The following PALLD variants were observed in gnomAD, a reference collection of about 807,000 sequenced individuals.
PALLD encodes palladin, cytoskeletal associated protein.
Under a neutral mutation model 123.5 loss-of-function variants are expected in PALLD, and 61 were observed. The ratio of observed to expected loss-of-function variants is 0.49; its 90% CI spans 0.40 to 0.61. The LOEUF (loss-of-function observed/expected upper bound fraction) is 0.61. PALLD is among the 20% of genes least tolerant of loss of function. PALLD has a pLI of 0.00. For missense variants in PALLD, 1,273 were observed against 1,377.0 expected (o/e 0.92, Z 1.20); for synonymous variants, 465 against 496.4 (o/e 0.94, Z 0.84).
intron 10 of PALLD, among the ~76,000 whole-genome samples, chr4:168,811,757 T>TTC (rs1225193326): frequency 6.3e-4 from 82 of 130,312 alleles, no homozygotes; most frequent in East Asian, 2.5e-3. Flanking sequence ...CTCTCTCTCT[T>TTC]TCTCTCTCTC....
At chr4:168,695,002 T>A (rs1783005564) in intron 8 of PALLD, among the ~76,000 whole-genome samples, 1 of 152,232 alleles carries the variant, frequency 6.6e-6, no homozygotes, top group African/African-American at 2.4e-5. Flanking sequence ...CTCAGCTGTC[T>A]GGAAACAGCC....
intron 10 of PALLD, among the ~76,000 whole-genome samples, chr4:168,768,582 T>C (rs1302149337): frequency 6.6e-6 from 1 of 152,246 alleles, no homozygotes; most frequent in African/African-American, 2.4e-5. Context: ...TTATTCAGCA[T>C]GTGTCACATA....
At chr4:168,520,327 CAA>C (rs1554034658) in intron 2 of PALLD, among the ~76,000 whole-genome samples, 9 of 101,592 alleles carry the variant, frequency 8.9e-5, no homozygotes, top group Non-Finnish European at 1.3e-4. Context: ...ATTCCGTCAC[CAA>C]AAAAAAAAAA....
chr4:168,909,962 A>C (rs1203777260), intron 15 of PALLD, among the ~76,000 whole-genome samples: 1 of 152,178 alleles, frequency 6.6e-6, no homozygotes, highest in African/African-American at 2.4e-5. Context: ...TAATATATTT[A>C]GCCAATAACA....
intron 13 of PALLD, 184 bp from the exon 14 acceptor site, chr4:168,898,309 T>C: frequency 1.6e-6 from 1 of 625,744 alleles, no homozygotes. Flanking sequence ...CAATCTGAAA[T>C]ACCACATAAA....
At chr4:168,656,741 G>A (rs1778618331) in intron 2 of PALLD, among the ~76,000 whole-genome samples, 1 of 152,104 alleles carries the variant, frequency 6.6e-6, no homozygotes. Context: ...CATGTGCCAT[G>A]CCCAAATGGC....
At chr4:168,815,711 C>T (rs1325293797) in intron 10 of PALLD, among the ~76,000 whole-genome samples, 2 of 152,114 alleles carry the variant, frequency 1.3e-5, no homozygotes, top group Non-Finnish European at 2.9e-5. Flanking sequence ...TGCCCAGTAA[C>T]AGGGCTGCAG....
chr4:168,670,504 C>T (rs1190440685), intron 3 of PALLD, among the ~76,000 whole-genome samples: 2 of 145,924 alleles, frequency 1.4e-5, no homozygotes, highest in East Asian at 2.1e-4. Context: ...GAGGCCGAGG[C>T]GGGTGGATCA....
At chr4:168,766,762 T>C (rs1156938965) in intron 10 of PALLD, among the ~76,000 whole-genome samples, 3 of 152,202 alleles carry the variant, frequency 2.0e-5, no homozygotes, top group African/African-American at 7.2e-5. Context: ...ATGAAGCTGT[T>C]GGATATGATC....
In PALLD at chr4:168,896,566, T is replaced by G; in HGVS notation, c.2217T>G (p.His739Gln). The G allele has an allele frequency of 6.6e-7, 1 of 1,514,578 alleles. No individual in the cohort carries two copies. Among genetic ancestry groups the G allele is most frequent in the Non-Finnish European group, 8.9e-7 (1 of 1,126,466 alleles). 93.8% of individuals were successfully genotyped at this position (1,514,578 alleles called of 1,614,324 possible). ...ETANQDIGSP[H>Q]ASVGSPLDGQ... ...CATTACAGGACATTGGTTCTCCTCATGCTTCTGTAGGGAGTCCTCTGGATG... is the reference window on the plus strand; with the variant it reads ...CATTACAGGACATTGGTTCTCCTCAGGCTTCTGTAGGGAGTCCTCTGGATG... The change falls in exon 13 of 22, where the codon CAT becomes CAG. Residue 739 changes from histidine to glutamine, a missense_variant. His to Gln is a conservative substitution (Grantham distance 24). Coordinates refer to ENST00000505667, the MANE Select transcript of PALLD (RefSeq NM_001166108.2).
chr4:168,754,437 A>G (rs1440861269), intron 10 of PALLD, among the ~76,000 whole-genome samples: 4 of 152,252 alleles, frequency 2.6e-5, no homozygotes, highest in African/African-American at 4.8e-5. Flanking sequence ...AGTGCTATAC[A>G]GTAAAATTGC....
In PALLD at chr4:168,893,851, G is replaced by A. The variant is rs552636379; in HGVS notation, c.2101-728G>A. ...ACACTACCACTTTCTTTGCCTGATG[G>A]GCAAGCAGTCTGCTTCTGGGTCAAG... On this transcript the variant is annotated intron_variant, in intron 11 of 21. Coordinates refer to ENST00000505667, the MANE Select transcript of PALLD (RefSeq NM_001166108.2). 4.6e-5 allele frequency among the ~76,000 whole-genome samples: 7 copies of A among 152,318 alleles called. No homozygotes were observed. In the East Asian group the frequency reaches 1.4e-3, roughly 29 times the overall value.
intron 8 of PALLD, among the ~76,000 whole-genome samples, chr4:168,708,677 A>G (rs1358887132): frequency 6.6e-6 from 1 of 152,210 alleles, no homozygotes; most frequent in Non-Finnish European, 1.5e-5. Context: ...GAACTCTGAC[A>G]TGCAATCAGC....
At chr4:168,643,037 T>C (rs1212879968) in intron 2 of PALLD, among the ~76,000 whole-genome samples, 1 of 152,228 alleles carries the variant, frequency 6.6e-6, no homozygotes, top group African/African-American at 2.4e-5. Flanking sequence ...TAGAATGTTC[T>C]CTATATAGGA....
intron 10 of PALLD, chr4:168,756,151 A>G: frequency 5.6e-6 from 1 of 178,742 alleles, no homozygotes. Flanking sequence ...TGTAGAAGTC[A>G]GAACTTTCTT....
intron 2 of PALLD, among the ~76,000 whole-genome samples, chr4:168,566,165 A>C (rs1768355875): frequency 6.6e-6 from 1 of 152,206 alleles, no homozygotes; most frequent in Non-Finnish European, 1.5e-5. Flanking sequence ...AGTTATTAGA[A>C]AGTAATCTAT....
At chr4:168,517,050 C>A (rs1763055216) in intron 2 of PALLD, among the ~76,000 whole-genome samples, 1 of 152,072 alleles carries the variant, frequency 6.6e-6, no homozygotes, top group Non-Finnish European at 1.5e-5. Flanking sequence ...TTGGAAAAGT[C>A]CAGGCTGACG....
At chr4:168,525,635 T>C (rs180710884) in intron 2 of PALLD, among the ~76,000 whole-genome samples, 3 of 152,320 alleles carry the variant, frequency 2.0e-5, no homozygotes, top group Non-Finnish European at 1.5e-5. Flanking sequence ...GCACATATGT[T>C]GTAAGTGCCC....
chr4:168,608,675 C>T (rs77599309), intron 2 of PALLD, among the ~76,000 whole-genome samples: 6,705 of 152,074 alleles, frequency 0.044, 463 homozygotes, highest in African/African-American at 0.15. Flanking sequence ...ATTGCTGCTG[C>T]TGTTGTTGTT....
Sources: gnomAD v4.1 joint callset for allele counts (sites outside exome capture counted in the v4.1 genomes callset) on GRCh38, gnomAD v4.1.1 for gene constraint, MANE v1.5 for transcripts, NCBI Gene and HGNC (gene_info 2026-07-23, HGNC 2026-07-21) for gene names.